GRIK4: variants seen among roughly 807,000 people sequenced by gnomAD.
GRIK4 encodes glutamate receptor ionotropic, kainate 4.
Under a neutral mutation model 104.9 loss-of-function variants are expected in GRIK4, and 40 were observed. That is an observed-to-expected ratio of 0.38 (90% CI 0.30 to 0.50). GRIK4 has a LOEUF of 0.50. Ranked by LOEUF, GRIK4 falls within the 20% of genes least tolerant of loss-of-function variation. GRIK4 has a pLI of 0.93. For missense variants in GRIK4, 1,047 were observed against 1,308.1 expected (o/e 0.80, Z 3.08); for synonymous variants, 485 against 524.9 (o/e 0.92, Z 1.04).
intron 11 of GRIK4, among the ~76,000 whole-genome samples, chr11:120,892,055 G>A (rs1955316633): frequency 6.6e-6 from 1 of 152,188 alleles, no homozygotes; most frequent in Non-Finnish European, 1.5e-5. Context: ...TCCACCTGCA[G>A]TCCCGGGCTT....
At chr11:120,518,953 C>T (rs118106655) in intron 1 of GRIK4, among the ~76,000 whole-genome samples, 1 of 152,178 alleles carries the variant, frequency 6.6e-6, no homozygotes, top group African/African-American at 2.4e-5. Flanking sequence ...GTGGCCCTGC[C>T]TGCAGGAGCG....
At chr11:120,935,829 A>G (rs1943584238) in intron 13 of GRIK4, among the ~76,000 whole-genome samples, 2 of 152,318 alleles carry the variant, frequency 1.3e-5, no homozygotes, top group South Asian at 4.1e-4. Flanking sequence ...AGTGGCCATT[A>G]AAAATACCAC....
chr11:120,585,176 A>G (rs900186009), intron 1 of GRIK4, among the ~76,000 whole-genome samples: 1 of 152,068 alleles, frequency 6.6e-6, no homozygotes, highest in African/African-American at 2.4e-5. Flanking sequence ...TTGTATGTTT[A>G]TACCCCACTT....
rs549928514 is a variant in GRIK4, at chr11:120,682,356, G to C, written c.82+21956G>C. On this transcript the variant is annotated intron_variant, in intron 3 of 20. Coordinates refer to ENST00000527524, the MANE Select transcript of GRIK4 (RefSeq NM_014619.5). ...GCGAGGCTTCACTTGAGCAGGGAGT[G>C]GGTCTGGGTCCCCAGGAGAGTCCTT... is the stretch of plus-strand genomic sequence containing the variant. Among the ~76,000 whole-genome samples, 20 of 152,318 alleles carry C rather than the reference G, an allele frequency of 1.3e-4. No individual in the cohort carries two copies. In the East Asian group the frequency reaches 3.9e-3, roughly 29 times the overall value.
At chr11:120,810,396 A>G (rs903630889) in intron 4 of GRIK4, among the ~76,000 whole-genome samples, 5 of 152,336 alleles carry the variant, frequency 3.3e-5, no homozygotes, top group Admixed American at 2.6e-4. Context: ...TCAGAGAGCA[A>G]GGAAGCTGCG....
chr11:120,796,185 G>A (rs1252265941), intron 3 of GRIK4, among the ~76,000 whole-genome samples: 2 of 151,864 alleles, frequency 1.3e-5, no homozygotes, highest in Non-Finnish European at 2.9e-5. Flanking sequence ...ACATGTGCCC[G>A]CCACAACGCC....
At chr11:120,866,118 A>G (rs1257808431) in intron 9 of GRIK4, among the ~76,000 whole-genome samples, 9 of 152,216 alleles carry the variant, frequency 5.9e-5, no homozygotes, top group Admixed American at 4.6e-4. Context: ...TCACTGCCAC[A>G]TGAGACTTGG....
intron 3 of GRIK4, among the ~76,000 whole-genome samples, chr11:120,785,891 A>G (rs574745594): frequency 2.2e-4 from 34 of 152,160 alleles, no homozygotes; most frequent in Admixed American, 8.5e-4. Flanking sequence ...CAGAGCCCCC[A>G]CTCAGCGGGG....
chr11:120,667,660 T>C (rs990917216), intron 3 of GRIK4, among the ~76,000 whole-genome samples: 10 of 152,338 alleles, frequency 6.6e-5, no homozygotes, highest in African/African-American at 2.4e-4. Context: ...GGCTGTCCCA[T>C]TGGTGTGTGT....
intron 3 of GRIK4, among the ~76,000 whole-genome samples, chr11:120,733,230 T>C (rs1951168946): frequency 6.6e-6 from 1 of 152,222 alleles, no homozygotes; most frequent in Admixed American, 6.5e-5. Flanking sequence ...AGTGTGTTTC[T>C]TGTAGGCAAC....
chr11:120,515,838 G>A (rs1947718912), intron 1 of GRIK4, among the ~76,000 whole-genome samples: 1 of 152,200 alleles, frequency 6.6e-6, no homozygotes, highest in African/African-American at 2.4e-5. Flanking sequence ...GGTAAATTAT[G>A]GGAAGGAAGG....
chr11:120,831,278 G>A (rs1953420704), intron 6 of GRIK4, among the ~76,000 whole-genome samples: 1 of 152,224 alleles, frequency 6.6e-6, no homozygotes, highest in African/African-American at 2.4e-5. Flanking sequence ...GAAAACAAAG[G>A]CTCTTACAGA....
chr11:120,749,566 A>C (rs1486908207), intron 3 of GRIK4, among the ~76,000 whole-genome samples: 5 of 152,250 alleles, frequency 3.3e-5, no homozygotes, highest in African/African-American at 1.2e-4. Flanking sequence ...GAGCAGAGGA[A>C]CTCCCCAGAA....
At chr11:120,721,966 A>G (rs144419247) in intron 3 of GRIK4, among the ~76,000 whole-genome samples, 1 of 152,296 alleles carries the variant, frequency 6.6e-6, no homozygotes, top group East Asian at 1.9e-4. Flanking sequence ...CTCACTTCTC[A>G]TGGTGTCTTT....
Position 120,953,552 on chromosome 11 carries a change from C to T in GRIK4, c.1700+588C>T, listed in dbSNP as rs913998956. On this transcript the variant is annotated intron_variant, in intron 15 of 20. Transcript: ENST00000527524. The surrounding 1 kb of genome is among the most constrained non-coding windows in gnomAD (Gnocchi z 4.9). ...AGGCTGCTGGCGGGTGGCAAGGAGA[C>T]GGGATGGAGAGAGGCGTTTTCAAGA... 2.0e-5 allele frequency among the ~76,000 whole-genome samples: 3 copies of T among 152,032 alleles called. No individual in the cohort carries two copies. Among genetic ancestry groups the T allele is most frequent in the Non-Finnish European group, 2.9e-5 (2 of 68,016 alleles).
chr11:120,930,453 G>A (rs758772385), intron 13 of GRIK4, among the ~76,000 whole-genome samples: 7 of 152,166 alleles, frequency 4.6e-5, no homozygotes, highest in Non-Finnish European at 1.0e-4. Flanking sequence ...ATGGAGGTGG[G>A]AACTATCATT....
chr11:120,739,854 C>T (rs1210391087), intron 3 of GRIK4, among the ~76,000 whole-genome samples: 3 of 152,162 alleles, frequency 2.0e-5, no homozygotes, highest in African/African-American at 4.8e-5. Flanking sequence ...ATCCAGAGGG[C>T]GGGCCTAAAC....
chr11:120,914,808 A>G (rs1943072122), intron 13 of GRIK4, among the ~76,000 whole-genome samples: 1 of 152,204 alleles, frequency 6.6e-6, no homozygotes, highest in Non-Finnish European at 1.5e-5. Flanking sequence ...CTTTGGTTCC[A>G]GAAGGTTACT....
chr11:120,531,368 A>G (rs1427144082), intron 1 of GRIK4, among the ~76,000 whole-genome samples: 1 of 152,180 alleles, frequency 6.6e-6, no homozygotes, highest in Non-Finnish European at 1.5e-5. Flanking sequence ...TGCCCCTGCC[A>G]CAGGCACCTG....
Sources: gnomAD v4.1 joint callset for allele counts (sites outside exome capture counted in the v4.1 genomes callset) on GRCh38, gnomAD v4.1.1 for gene constraint, Gnocchi (gnomAD v3.1) non-coding constraint, MANE v1.5 for transcripts, NCBI Gene and HGNC (gene_info 2026-07-23, HGNC 2026-07-21) for gene names.